Variants in PLPP3 observed in about 807,000 individuals in gnomAD.
PLPP3 encodes phospholipid phosphatase 3, also known as PAP2 beta.
Under a neutral mutation model 29.6 loss-of-function variants are expected in PLPP3, and 6 were observed. The observed-to-expected ratio is 0.20, with a 90% CI of 0.11 to 0.40. The LOEUF (loss-of-function observed/expected upper bound fraction) is 0.40. Ranked by LOEUF, PLPP3 falls within the 10% of genes least tolerant of loss-of-function variation. PLPP3 has a pLI of 1.00. For synonymous variants in PLPP3, 152 were observed against 159.7 expected (o/e 0.95, Z 0.36); for missense variants, 308 against 407.7 (o/e 0.76, Z 2.11).
chr1:56,577,768 G>C (rs1249513839), intron 1 of PLPP3, among the ~76,000 whole-genome samples: 1 of 152,112 alleles, frequency 6.6e-6, no homozygotes, highest in African/African-American at 2.4e-5. Context: ...CCTAATGCGG[G>C]AAGGGGCCTT....
At chr1:56,576,013 A>T (rs929128557) in intron 1 of PLPP3, among the ~76,000 whole-genome samples, 6 of 152,220 alleles carry the variant, frequency 3.9e-5, no homozygotes, top group African/African-American at 1.4e-4. Context: ...ATCGGTAAAG[A>T]TAGCTGTCCA....
chr1:56,521,249 A>AG (rs1449438179), intron 4 of PLPP3, among the ~76,000 whole-genome samples: 1 of 149,834 alleles, frequency 6.7e-6, no homozygotes, highest in Non-Finnish European at 1.5e-5. Flanking sequence ...AAAAAAAAAA[A>AG]AAAAAAAGAA....
At chr1:56,521,234 C>CAAAAAA (rs765448174) in intron 4 of PLPP3, among the ~76,000 whole-genome samples, 1 of 54,646 alleles carries the variant, frequency 1.8e-5, no homozygotes, top group African/African-American at 6.8e-5. Context: ...GACTCTGTCT[C>CAAAAAA]AAAAAAAAAA....
chr1:56,517,671 C>G (rs1557500883), intron 4 of PLPP3, among the ~76,000 whole-genome samples: 1 of 152,222 alleles, frequency 6.6e-6, no homozygotes. Context: ...AACCGCCTGG[C>G]TTCCTTAGGG....
Position 56,579,378 on chromosome 1 carries a change from G to A in PLPP3, c.-362C>T. 3.8e-6 allele frequency: 1 copy of A among 262,604 alleles called. No individual in the cohort carries two copies. Among genetic ancestry groups the A allele is most frequent in the Non-Finnish European group, 7.3e-6 (1 of 137,604 alleles). 16.3% of individuals were successfully genotyped at this position (262,604 alleles called of 1,614,324 possible). A position where few individuals can be genotyped will look rare whatever the true frequency, so the allele number is the denominator to read the frequency against. ...AGCGAGTGGGCAGCGCGGGCGCTCGGCCACCTTCCTCCGCAGCTGGTTCCT... is the reference window on the plus strand; with the variant it reads ...AGCGAGTGGGCAGCGCGGGCGCTCGACCACCTTCCTCCGCAGCTGGTTCCT... On this transcript the variant is annotated 5_prime_UTR_variant, in exon 1 of 6. Coordinates refer to ENST00000371250, the MANE Select transcript of PLPP3 (RefSeq NM_003713.5).
At chr1:56,570,863 T>C (rs925969119) in intron 1 of PLPP3, among the ~76,000 whole-genome samples, 1 of 152,242 alleles carries the variant, frequency 6.6e-6, no homozygotes, top group Non-Finnish European at 1.5e-5. Context: ...CATTCAGCAG[T>C]GATCTTGGTA....
At chr1:56,540,484 G>C (rs1277086545) in intron 1 of PLPP3, among the ~76,000 whole-genome samples, 1 of 152,116 alleles carries the variant, frequency 6.6e-6, no homozygotes, top group Non-Finnish European at 1.5e-5. Context: ...AAAAAATCTG[G>C]TCAGTCCTTT....
intron 4 of PLPP3, among the ~76,000 whole-genome samples, chr1:56,517,831 T>A (rs1481349003): frequency 6.6e-6 from 1 of 152,178 alleles, no homozygotes; most frequent in African/African-American, 2.4e-5. Flanking sequence ...CACACTTCCA[T>A]CAACCTCCAC....
In PLPP3 at chr1:56,535,282, C is replaced by T. The variant is rs1169668594; in HGVS notation, c.297+1673G>A. 2.6e-5 allele frequency among the ~76,000 whole-genome samples: 4 copies of T among 152,298 alleles called. No homozygotes were observed. In the South Asian group the frequency reaches 8.3e-4, roughly 32 times the overall value. On this transcript the variant is annotated intron_variant, in intron 2 of 5. Coordinates refer to ENST00000371250, the MANE Select transcript of PLPP3 (RefSeq NM_003713.5). Reference sequence around the variant, plus strand: ...TTAACCCTGTGCTAAACTGAAAACCCTAAGAATATCTAGCTCTTGGGGTTT... The same window carrying T: ...TTAACCCTGTGCTAAACTGAAAACCTTAAGAATATCTAGCTCTTGGGGTTT...
chr1:56,572,211 G>A (rs369163767), intron 1 of PLPP3, among the ~76,000 whole-genome samples: 10 of 151,802 alleles, frequency 6.6e-5, no homozygotes, highest in East Asian at 1.9e-4. Context: ...CACGATGCCC[G>A]GCTAATTTTT....
intron 1 of PLPP3, among the ~76,000 whole-genome samples, chr1:56,548,720 G>A (rs1239217146): frequency 6.6e-6 from 1 of 152,138 alleles, no homozygotes; most frequent in African/African-American, 2.4e-5. Context: ...ACTTCCACAG[G>A]GGCATTACTA....
rs1436135788 is a variant in PLPP3 at position 56,530,823 on chromosome 1, C to T, written c.297+6132G>A. On this transcript the variant is annotated intron_variant, in intron 2 of 5. Coordinates refer to ENST00000371250, the MANE Select transcript of PLPP3 (RefSeq NM_003713.5). ...TAACCTTGTCTACTCCCTTATATTC[C>T]ATTCATTCAGCCAAACAGGTCTGCT... Among the ~76,000 whole-genome samples the T allele has an allele frequency of 3.3e-5, 5 of 152,264 alleles. No homozygotes were observed. The South Asian group carries it at 1.0e-3, about 32-fold the overall frequency.
At chr1:56,534,368 C>A (rs776382384) in intron 2 of PLPP3, among the ~76,000 whole-genome samples, 16 of 152,266 alleles carry the variant, frequency 1.1e-4, no homozygotes, top group Middle Eastern at 6.8e-3. Flanking sequence ...CTCCATAACG[C>A]GTGATGATTT....
At chr1:56,562,030 G>A (rs1343659881) in intron 1 of PLPP3, among the ~76,000 whole-genome samples, 4 of 64,284 alleles carry the variant, frequency 6.2e-5, no homozygotes, top group African/African-American at 1.3e-4. Context: ...GCAAGACTCC[G>A]TTTCACAAAA....
At chr1:56,551,067 G>A (rs1367640953) in intron 1 of PLPP3, among the ~76,000 whole-genome samples, 1 of 152,078 alleles carries the variant, frequency 6.6e-6, no homozygotes, top group African/African-American at 2.4e-5. Context: ...CTGTCCTACT[G>A]CACAATGTTG....
intron 1 of PLPP3, among the ~76,000 whole-genome samples, chr1:56,576,923 C>T (rs1350232757): frequency 6.6e-6 from 1 of 152,140 alleles, no homozygotes; most frequent in East Asian, 1.9e-4. Context: ...TTGCAAATTC[C>T]TTTACATCTC....
intron 5 of PLPP3, among the ~76,000 whole-genome samples, chr1:56,502,547 A>G (rs1645675550): frequency 6.6e-6 from 1 of 152,216 alleles, no homozygotes; most frequent in African/African-American, 2.4e-5. Context: ...TAAAAGAGCC[A>G]TTAGTGGACA....
chr1:56,508,425 G>C (rs1645718192), intron 5 of PLPP3, among the ~76,000 whole-genome samples: 1 of 152,166 alleles, frequency 6.6e-6, no homozygotes, highest in Non-Finnish European at 1.5e-5. Context: ...GTCCGTAAAG[G>C]CTTGGCTCAG....
chr1:56,564,204 T>C (rs1172466487), intron 1 of PLPP3, among the ~76,000 whole-genome samples: 1 of 152,202 alleles, frequency 6.6e-6, no homozygotes. Flanking sequence ...AACGACTGTC[T>C]CATCTATAAA....
Sources: allele counts gnomAD v4.1 joint callset (sites outside exome capture counted in the v4.1 genomes callset), GRCh38; gene constraint gnomAD v4.1.1; transcripts MANE v1.5; gene names NCBI Gene and HGNC (gene_info 2026-07-23, HGNC 2026-07-21).